The following SYN2 variants were observed in gnomAD, a reference collection of about 807,000 sequenced individuals.
SYN2 encodes the protein synapsin-2.
SYN2 carries 19 observed loss-of-function variants against 50.9 expected under a neutral mutation model. That is an observed-to-expected ratio of 0.37 (90% CI 0.26 to 0.55). SYN2 has a LOEUF of 0.55. SYN2 is among the 20% of genes least tolerant of loss of function. The pLI is 0.81. For synonymous variants in SYN2, 255 were observed against 224.9 expected (o/e 1.13, Z -1.20); for missense variants, 587 against 576.4 (o/e 1.02, Z -0.19).
At chr3:12,091,422 A>G (rs1574935154) in intron 1 of SYN2, among the ~76,000 whole-genome samples, 2 of 152,286 alleles carry the variant, frequency 1.3e-5, no homozygotes, top group South Asian at 4.1e-4. Context: ...ATATGGGAAA[A>G]TTTAATTAAT....
intron 1 of SYN2, among the ~76,000 whole-genome samples, chr3:12,111,466 G>C (rs1696315268): frequency 2.6e-5 from 4 of 152,082 alleles, no homozygotes; most frequent in African/African-American, 7.2e-5. Flanking sequence ...CCTCAATAAA[G>C]GTTGTTATTA....
At position 12,022,479 on chromosome 3, in the gene SYN2, C is replaced by A. The variant is rs150069327; in HGVS notation, c.377+17551C>A. 6.7e-3 allele frequency among the ~76,000 whole-genome samples: 1,013 copies of A among 152,228 alleles called. 7 individuals are homozygous for A. Among genetic ancestry groups the A allele is most frequent in the African/African-American group, 0.023 (963 of 41,528 alleles). ...CTGGAGTGCAGTGGCGCGATCTCGG[C>A]TCACTGCAACCTTTGCCTCTCGGAT... On this transcript the variant is annotated intron_variant, in intron 1 of 12. Transcript: ENST00000621198.
At chr3:12,062,165 A>G (rs1283583858) in intron 1 of SYN2, among the ~76,000 whole-genome samples, 1 of 152,074 alleles carries the variant, frequency 6.6e-6, no homozygotes, top group Non-Finnish European at 1.5e-5. Flanking sequence ...TGATGATGAT[A>G]TGAAACAATA....
chr3:12,153,363 T>C, intron 5 of SYN2: 1 of 892,652 alleles, frequency 1.1e-6, no homozygotes, highest in Non-Finnish European at 1.8e-6. Context: ...TCATGGCCCC[T>C]TCCCTGCCTT....
intron 1 of SYN2, among the ~76,000 whole-genome samples, chr3:12,089,585 G>T (rs145677004): frequency 6.6e-6 from 1 of 152,150 alleles, no homozygotes; most frequent in Non-Finnish European, 1.5e-5. Flanking sequence ...CAAGGCAGGG[G>T]GATTACTTGA....
intron 1 of SYN2, among the ~76,000 whole-genome samples, chr3:12,100,139 A>G (rs1046729438): frequency 7.2e-5 from 11 of 152,230 alleles, no homozygotes; most frequent in African/African-American, 2.6e-4. Flanking sequence ...TGACAAGCTA[A>G]TTTTAAAATC....
At chr3:12,065,750 A>G (rs769608884) in intron 1 of SYN2, among the ~76,000 whole-genome samples, 1 of 152,220 alleles carries the variant, frequency 6.6e-6, no homozygotes, top group Admixed American at 6.5e-5. Flanking sequence ...ACTGTTGAGT[A>G]CTATGCTCAC....
chr3:12,095,560 A>ACAAAAAAAAAAAC (rs1253214910), intron 1 of SYN2, among the ~76,000 whole-genome samples: 2 of 120,594 alleles, frequency 1.7e-5, no homozygotes, highest in Non-Finnish European at 3.4e-5. Context: ...AAAAAAAAAA[A>ACAAAAAAAAAAAC]AAAAAAAAAA....
intron 11 of SYN2, chr3:12,184,524 G>A: frequency 1.0e-6 from 1 of 985,916 alleles, no homozygotes; most frequent in Non-Finnish European, 1.2e-6. Context: ...ACTTGAGTGG[G>A]TACACTGCCT....
At chr3:12,157,361 A>C in intron 5 of SYN2, 2 of 1,608,700 alleles carry the variant, frequency 1.2e-6, no homozygotes, top group Non-Finnish European at 1.7e-6. Flanking sequence ...TAGGGGCTAC[A>C]CATCCCAGCC....
intron 10 of SYN2, 82 bp from the exon 11 acceptor site, chr3:12,183,230 C>A: frequency 2.0e-6 from 3 of 1,518,804 alleles, no homozygotes; most frequent in Non-Finnish European, 2.6e-6. Context: ...CCACTGCGGC[C>A]TTGCCATGGA....
chr3:12,123,710 G>C (rs1696608419), intron 1 of SYN2, among the ~76,000 whole-genome samples: 1 of 152,186 alleles, frequency 6.6e-6, no homozygotes. Flanking sequence ...CACTTTGGGA[G>C]TTCAAGGCGA....
intron 1 of SYN2, among the ~76,000 whole-genome samples, chr3:12,109,300 G>C (rs1287585602): frequency 6.6e-6 from 1 of 152,086 alleles, no homozygotes; most frequent in South Asian, 2.1e-4. Context: ...ACTTAATCTC[G>C]CTGTGCTCAT....
chr3:12,064,176 G>C (rs1695164880), intron 1 of SYN2, among the ~76,000 whole-genome samples: 1 of 151,930 alleles, frequency 6.6e-6, no homozygotes, highest in Non-Finnish European at 1.5e-5. Flanking sequence ...ATAAAGACCA[G>C]TTGAGGGGCA....
At chr3:12,162,982 T>C (rs1697690183) in intron 7 of SYN2, among the ~76,000 whole-genome samples, 2 of 152,184 alleles carry the variant, frequency 1.3e-5, no homozygotes, top group South Asian at 2.1e-4. Flanking sequence ...GGCTCATGCC[T>C]GTAATCCCAG....
At chr3:12,048,109 TGCCTTTTTAA>T (rs1694780854) in intron 1 of SYN2, among the ~76,000 whole-genome samples, 1 of 152,210 alleles carries the variant, frequency 6.6e-6, no homozygotes, top group African/African-American at 2.4e-5. Flanking sequence ...AGCCTTTTTA[TGCCTTTTTAA>T]GATGAGACAA....
intron 5 of SYN2, among the ~76,000 whole-genome samples, chr3:12,155,670 TG>T (rs1327667063): frequency 1.3e-5 from 2 of 152,354 alleles, no homozygotes; most frequent in East Asian, 3.9e-4. Flanking sequence ...CTGTAGGACC[TG>T]GGCACCATTG....
In SYN2 at chr3:12,169,609, A is replaced by G. The variant is rs1051480126; in HGVS notation, c.1159-148A>G. On this transcript the variant is annotated intron_variant, in intron 9 of 12. Transcript: ENST00000621198. ...AAGGGACAAAGATCCTATTTCTGCAAATGATCACACTTCCAGCTGAAGAGA... is the reference window on the plus strand; with the variant it reads ...AAGGGACAAAGATCCTATTTCTGCAGATGATCACACTTCCAGCTGAAGAGA... 82 of 870,642 alleles carry G rather than the reference A, an allele frequency of 9.4e-5. No homozygotes were observed. The African/African-American group carries it at 1.1e-3, about 12-fold the overall frequency. 53.9% of individuals were successfully genotyped at this position (870,642 alleles called of 1,614,324 possible).
At chr3:12,045,782 C>G (rs928290174) in intron 1 of SYN2, among the ~76,000 whole-genome samples, 2 of 152,036 alleles carry the variant, frequency 1.3e-5, no homozygotes, top group African/African-American at 2.4e-5. Flanking sequence ...GTGGGGGGCT[C>G]AGGAATACCT....
Sources: gnomAD v4.1 joint callset for allele counts (sites outside exome capture counted in the v4.1 genomes callset) on GRCh38, gnomAD v4.1.1 for gene constraint, MANE v1.5 for transcripts, NCBI Gene and HGNC (gene_info 2026-07-23, HGNC 2026-07-21) for gene names.